Variants in CREB3L2 observed in about 807,000 individuals in gnomAD.
CREB3L2 encodes cyclic AMP-responsive element-binding protein 3-like protein 2.
In CREB3L2, 23 loss-of-function variants were observed where a neutral mutation model predicts 57.2. That is an observed-to-expected ratio of 0.40 (90% CI 0.29 to 0.57). The LOEUF is 0.57. Ranked by LOEUF, CREB3L2 falls within the 20% of genes least tolerant of loss-of-function variation. The probability of loss-of-function intolerance (pLI) is 0.42; values close to 1 mark genes in which losing one functional copy is unlikely to be tolerated. For missense variants in CREB3L2, 628 were observed against 634.7 expected, an observed-to-expected ratio of 0.99 and a Z score of 0.11; for synonymous variants, 268 against 265.1, an observed-to-expected ratio of 1.01 and a Z score of -0.11.
intron 1 of CREB3L2, among the ~76,000 whole-genome samples, chr7:137,979,308 C>T (rs80208717): frequency 0.01 from 1,553 of 152,252 alleles, 29 homozygotes; most frequent in African/African-American, 0.035. Context: ...CTGTTCCTAC[C>T]CTCCAGGGTC....
rs77664231 is a variant in CREB3L2, at chr7:137,973,967, G to A, written c.102+27637C>T. On this transcript the variant is annotated intron_variant, in intron 1 of 11. Transcript: ENST00000330387. ...AGTGAATCTGGAACGAGCCAAGACC[G>A]AGAAATGATGGCACAGGGAACCTAT... Among the ~76,000 whole-genome samples the A allele has an allele frequency of 8.7e-3, 1,328 of 152,038 alleles. 26 individuals are homozygous for A. Among genetic ancestry groups the A allele is most frequent in the African/African-American group, 0.03 (1,255 of 41,464 alleles).
intron 1 of CREB3L2, among the ~76,000 whole-genome samples, chr7:137,998,889 A>C (rs564074932): frequency 6.6e-6 from 1 of 152,350 alleles, no homozygotes; most frequent in Admixed American, 6.5e-5. Context: ...CCATGTGGTC[A>C]GCCCTGCCTT....
At chr7:137,934,795 G>A (rs999826184) in intron 1 of CREB3L2, among the ~76,000 whole-genome samples, 1 of 152,196 alleles carries the variant, frequency 6.6e-6, no homozygotes, top group African/African-American at 2.4e-5. Flanking sequence ...AAGGATTCAA[G>A]CAACATCACA....
In CREB3L2 at chr7:137,930,927, T is replaced by A. The variant is rs1464627239; in HGVS notation, c.103-2561A>T. 2.7e-3 allele frequency among the ~76,000 whole-genome samples: 385 copies of A among 144,320 alleles called. 4 individuals carry two copies. Among genetic ancestry groups the A allele is most frequent in the African/African-American group, 8.2e-3 (319 of 39,124 alleles). 94.7% of individuals were successfully genotyped at this position (144,320 alleles called of 152,430 possible). A position where few individuals can be genotyped will look rare whatever the true frequency, so the allele number is the denominator to read the frequency against. ...TGAACAATTATGTAGTCATTCCTTT[T>A]AAAAAAAAAAAAAAAGAAACTGGGC... On this transcript the variant is annotated intron_variant, in intron 1 of 11. Transcript: ENST00000330387.
At chr7:137,978,248 A>C (rs1051604050) in intron 1 of CREB3L2, among the ~76,000 whole-genome samples, 2 of 152,226 alleles carry the variant, frequency 1.3e-5, no homozygotes, top group Non-Finnish European at 2.9e-5. Context: ...ATAACTCTCT[A>C]TATATCTCTC....
intron 7 of CREB3L2, among the ~76,000 whole-genome samples, chr7:137,903,623 A>G (rs273969): frequency 0.8 from 121,157 of 152,176 alleles, 49,022 homozygotes; most frequent in African/African-American, 0.94. Context: ...TGCTCCTTTC[A>G]GCTAAAACAG....
chr7:137,913,321 C>T lies in CREB3L2; in HGVS notation c.496-243G>A, dbSNP rs141676639. On this transcript the variant is annotated intron_variant, in intron 3 of 11. Transcript: ENST00000330387. ...ACTTCCTTGAGACCACCCTGGGTAACATAGTGAGACAACGTCTCCCCAAAA... is the reference window on the plus strand; with the variant it reads ...ACTTCCTTGAGACCACCCTGGGTAATATAGTGAGACAACGTCTCCCCAAAA... Among the ~76,000 whole-genome samples, 58 of 152,092 alleles carry T rather than the reference C, an allele frequency of 3.8e-4. No individual in the cohort carries two copies. In the East Asian group the frequency reaches 0.011, roughly 29 times the overall value.
chr7:137,928,163 G>A lies in CREB3L2; in HGVS notation c.306C>T (p.Asp102=). Residue 102 remains aspartate, a synonymous_variant, in exon 2 of 12, where the codon GAC becomes GAT. Transcript: ENST00000330387. The part of the protein sequence containing the change: ...QSPFTHITTS[D]SFNDDEVESE... The stretch of plus-strand genomic sequence containing the variant: ...CTCTGAGTTTACCGTCATTGAAGCT[G>A]TCACTGGTGGTAATGTGGGTGAAGG... 6.6e-7 allele frequency: 1 copy of A among 1,507,640 alleles called. No individual in the cohort carries two copies. Among genetic ancestry groups the A allele is most frequent in the Non-Finnish European group, 8.8e-7 (1 of 1,131,174 alleles). The allele number at this position is 1,507,640 out of a possible 1,614,324, so 93.4% of individuals were successfully genotyped here.
chr7:137,918,728 G>A (rs753633356), intron 2 of CREB3L2, among the ~76,000 whole-genome samples: 3 of 151,706 alleles, frequency 2.0e-5, no homozygotes, highest in Non-Finnish European at 4.4e-5. Flanking sequence ...GCAAACAAAA[G>A]AAGAGGCAAA....
In CREB3L2 at chr7:137,976,365, T is replaced by C. The variant is rs564401374; in HGVS notation, c.102+25239A>G. 2.0e-5 allele frequency among the ~76,000 whole-genome samples: 3 copies of C among 152,350 alleles called. No homozygotes were observed. In the East Asian group the frequency reaches 5.8e-4, roughly 29 times the overall value. On this transcript the variant is annotated intron_variant, in intron 1 of 11. Coordinates refer to ENST00000330387, the MANE Select transcript of CREB3L2 (RefSeq NM_194071.4). ...CCCCAAATTTCCTGCCCTAAGCACC[T>C]CAATGCAGTGGCCACTCGTTAATTT...
In CREB3L2 at chr7:137,908,285, G is replaced by T; in HGVS notation, c.735C>A (p.Ala245=). Residue 245 remains alanine, a synonymous_variant, in exon 5 of 12, where the codon GCC becomes GCA. Transcript: ENST00000330387. ...CCGTGAGGAGAGGGGAGCTGGAGAG[G>T]GCGGAGGGGGCCCGGGGTGCAGCTC... ...PSRAAPRAPS[A]LSSSPLLTAP... 1 of 1,259,822 alleles carries T rather than the reference G, an allele frequency of 7.9e-7. No individual in the cohort carries two copies. Among genetic ancestry groups the T allele is most frequent in the Non-Finnish European group, 1.0e-6 (1 of 993,356 alleles). The allele number at this position is 1,259,822 out of a possible 1,614,324, so 78.0% of individuals were successfully genotyped here. A position where few individuals can be genotyped will look rare whatever the true frequency, so the allele number is the denominator to read the frequency against.
At chr7:137,905,392 TAAAAAAA>T (rs35597981) in intron 6 of CREB3L2, among the ~76,000 whole-genome samples, 1 of 137,564 alleles carries the variant, frequency 7.3e-6, no homozygotes. Context: ...AAGGCTGAGT[TAAAAAAA>T]AAAAAAAAAA....
chr7:137,998,522 C>G (rs2117337624), intron 1 of CREB3L2, among the ~76,000 whole-genome samples: 1 of 152,326 alleles, frequency 6.6e-6, no homozygotes, highest in South Asian at 2.1e-4. Flanking sequence ...ACTCAGACAG[C>G]CTGATAGGCA....
chr7:137,943,363 T>C lies in CREB3L2; in HGVS notation c.103-14997A>G, dbSNP rs558885646. Reference sequence around the variant, plus strand: ...GGCAAAGAATGGCTTCCCTTGAGGATGGCTGAGCTAACAGCTGGGCAGTAC... The same window carrying C: ...GGCAAAGAATGGCTTCCCTTGAGGACGGCTGAGCTAACAGCTGGGCAGTAC... On this transcript the variant is annotated intron_variant, in intron 1 of 11. Transcript: ENST00000330387. Among the ~76,000 whole-genome samples, 97 of 151,482 alleles carry C rather than the reference T, an allele frequency of 6.4e-4. No homozygotes were observed. In the South Asian group the frequency reaches 0.019, roughly 30 times the overall value.
intron 8 of CREB3L2, among the ~76,000 whole-genome samples, chr7:137,886,244 A>G (rs1299540551): frequency 6.6e-6 from 1 of 152,256 alleles, no homozygotes; most frequent in African/African-American, 2.4e-5. Context: ...GATGAGAAAC[A>G]TTGACAAAAA....
intron 2 of CREB3L2, among the ~76,000 whole-genome samples, chr7:137,927,119 A>G (rs769804974): frequency 1.3e-5 from 2 of 152,046 alleles, no homozygotes; most frequent in Non-Finnish European, 2.9e-5. Flanking sequence ...AGATCATACC[A>G]CTGAACTGTA....
intron 1 of CREB3L2, among the ~76,000 whole-genome samples, chr7:137,929,190 G>A (rs1256479578): frequency 6.6e-6 from 1 of 151,958 alleles, no homozygotes; most frequent in African/African-American, 2.4e-5. Context: ...CATAATATAG[G>A]ACTAGCCCAT....
chr7:137,920,969 T>A (rs1406647842), intron 2 of CREB3L2, among the ~76,000 whole-genome samples: 1 of 152,240 alleles, frequency 6.6e-6, no homozygotes, highest in Non-Finnish European at 1.5e-5. Context: ...AGGAGCAGAA[T>A]ATGTATCACA....
At position 137,912,752 on chromosome 7, in the gene CREB3L2, TA is replaced by T. The variant is rs1161736414; in HGVS notation, c.583+238del. The T allele has an allele frequency of 4.2e-6, 5 of 1,204,636 alleles. No homozygotes were observed. In the Admixed American group the frequency reaches 7.0e-5, roughly 17 times the overall value. 74.6% of individuals were successfully genotyped at this position (1,204,636 alleles called of 1,614,324 possible). A position where few individuals can be genotyped will look rare whatever the true frequency, so the allele number is the denominator to read the frequency against. On this transcript the variant is annotated intron_variant, in intron 4 of 11. Coordinates refer to ENST00000330387, the MANE Select transcript of CREB3L2 (RefSeq NM_194071.4). ...TGAAAAATATCACCCTGGTTAGAAG[TA>T]AAAGTATGGTAACACTTAGCTGAAA...
Sources: gnomAD v4.1 joint callset for allele counts (sites outside exome capture counted in the v4.1 genomes callset) on GRCh38, gnomAD v4.1.1 for gene constraint, MANE v1.5 for transcripts, NCBI Gene and HGNC (gene_info 2026-07-23, HGNC 2026-07-21) for gene names.